Variants in PGBD2 observed in about 807,000 individuals in gnomAD.
PGBD2 encodes piggyBac transposable element derived 2, also known as piggyBac transposable element-derived protein 2.
In PGBD2, 6 loss-of-function variants were observed where a neutral mutation model predicts 8.1. That is an observed-to-expected ratio of 0.74 (90% CI 0.40 to 1.46). The LOEUF (loss-of-function observed/expected upper bound fraction) is 1.46, where lower values mean the gene tolerates loss of function less well. Among genes scored for constraint, PGBD2 ranks in the 40% most tolerant of loss-of-function variants. PGBD2 has a pLI of 0.02. For missense variants in PGBD2, 802 were observed against 739.0 expected (o/e 1.09, Z -0.99); for synonymous variants, 318 against 272.2 (o/e 1.17, Z -1.66).
At chr1:248,913,981 C>A in intron 2 of PGBD2, 102 bp downstream of exon 2, 5 of 966,406 alleles carry the variant, frequency 5.2e-6, no homozygotes, top group South Asian at 1.3e-5. Flanking sequence ...CTCAGTATAA[C>A]AGTTGGTGTC....
chr1:248,875,311 A>AC, the PGBD2 span, among the ~76,000 whole-genome samples: 3 of 115,416 alleles, frequency 2.6e-5, no homozygotes, highest in South Asian at 2.3e-4. Flanking sequence ...AACAAAACAA[A>AC]AAAAAAAAAA....
At chr1:248,920,220 A>G (rs1189294872), downstream of PGBD2, among the ~76,000 whole-genome samples, 1 of 151,944 alleles carries the variant, frequency 6.6e-6, no homozygotes, top group Non-Finnish European at 1.5e-5. Flanking sequence ...ACATAGGTAT[A>G]CACGTGCCAT....
At chr1:248,926,826 A>G in the PGBD2 span, among the ~76,000 whole-genome samples, 571 of 152,340 alleles carry the variant, frequency 3.7e-3, 7 homozygotes, top group African/African-American at 0.013. Flanking sequence ...TCTTATTTTA[A>G]GGAAAATCTT....
At chr1:248,887,607 A>C in the PGBD2 span, among the ~76,000 whole-genome samples, 1 of 152,172 alleles carries the variant, frequency 6.6e-6, no homozygotes, top group Admixed American at 6.5e-5. Flanking sequence ...AGCGAAACAC[A>C]CCAAACCAGT....
the PGBD2 span, among the ~76,000 whole-genome samples, chr1:248,895,672 C>T: frequency 1.3e-5 from 2 of 151,656 alleles, no homozygotes; most frequent in South Asian, 4.2e-4. Flanking sequence ...GTACACTGTA[C>T]CCAATGTATA....
the PGBD2 span, among the ~76,000 whole-genome samples, chr1:248,883,108 T>G: frequency 1.3e-5 from 2 of 152,092 alleles, no homozygotes; most frequent in Non-Finnish European, 2.9e-5. Context: ...TTTTAAAGAA[T>G]TTCTTTGTTT....
chr1:248,921,023 G>A (rs1404257588), downstream of PGBD2, among the ~76,000 whole-genome samples: 3 of 149,430 alleles, frequency 2.0e-5, no homozygotes, highest in South Asian at 6.3e-4. Context: ...TAAGTTCTTT[G>A]TAGATTCTGG....
At chr1:248,883,274 C>T in the PGBD2 span, among the ~76,000 whole-genome samples, 22 of 151,910 alleles carry the variant, frequency 1.4e-4, no homozygotes, top group African/African-American at 5.3e-4. Flanking sequence ...CAGGCATGTG[C>T]CACTACGCCT....
the PGBD2 span, among the ~76,000 whole-genome samples, chr1:248,926,391 G>C: frequency 6.6e-6 from 1 of 151,874 alleles, no homozygotes; most frequent in Admixed American, 6.6e-5. Context: ...GGTTTCTGTG[G>C]GCAGTGTCTC....
At chr1:248,930,096 C>T in the PGBD2 span, among the ~76,000 whole-genome samples, 1 of 152,224 alleles carries the variant, frequency 6.6e-6, no homozygotes. Flanking sequence ...TTTACTTTCA[C>T]ATGTTACATT....
chr1:248,884,828 G>A, the PGBD2 span, among the ~76,000 whole-genome samples: 6 of 152,218 alleles, frequency 3.9e-5, no homozygotes, highest in African/African-American at 1.2e-4. Context: ...ATAATGCTAT[G>A]TAGCAAGATT....
the PGBD2 span, among the ~76,000 whole-genome samples, chr1:248,882,029 T>G: frequency 2.0e-5 from 3 of 152,230 alleles, no homozygotes; most frequent in Non-Finnish European, 4.4e-5. Flanking sequence ...TATTTACCTC[T>G]GAGTCCTTCT....
the PGBD2 span, among the ~76,000 whole-genome samples, chr1:248,926,434 A>T: frequency 6.6e-6 from 1 of 152,140 alleles, no homozygotes; most frequent in South Asian, 2.1e-4. Context: ...CTGCTAAGTC[A>T]TGGACAAAAT....
chr1:248,887,241 A>C, the PGBD2 span, among the ~76,000 whole-genome samples: 4 of 152,166 alleles, frequency 2.6e-5, no homozygotes, highest in Non-Finnish European at 5.9e-5. Flanking sequence ...GCCTTACTCA[A>C]ATTTCCCCAG....
At chr1:248,913,925 C>G (rs774930689) in intron 2 of PGBD2, 46 bp downstream of exon 2, 1 of 1,556,732 alleles carries the variant, frequency 6.4e-7, no homozygotes, top group East Asian at 2.2e-5. Flanking sequence ...AATTTATTCC[C>G]CTATGCTTTT....
At chr1:248,880,335 T>C in the PGBD2 span, among the ~76,000 whole-genome samples, 1 of 152,226 alleles carries the variant, frequency 6.6e-6, no homozygotes, top group Non-Finnish European at 1.5e-5. Flanking sequence ...ATATGACATT[T>C]TTTGTAATGT....
At chr1:248,910,917 G>T (rs1200556731) in intron 1 of PGBD2, among the ~76,000 whole-genome samples, 2 of 151,954 alleles carry the variant, frequency 1.3e-5, no homozygotes, top group Admixed American at 1.3e-4. Flanking sequence ...TGTGTAATTT[G>T]ATGAGTTTCG....
chr1:248,927,677 C>T, the PGBD2 span, among the ~76,000 whole-genome samples: 1 of 152,098 alleles, frequency 6.6e-6, no homozygotes, highest in Non-Finnish European at 1.5e-5. Flanking sequence ...TTTACCACAC[C>T]CTGTTTTAGA....
the PGBD2 span, among the ~76,000 whole-genome samples, chr1:248,874,058 C>CTA: frequency 1.2e-4 from 19 of 152,168 alleles, no homozygotes; most frequent in African/African-American, 3.4e-4. Flanking sequence ...AAGGTTACAA[C>CTA]TAGACTACTC....
Sources: allele counts gnomAD v4.1 joint callset (sites outside exome capture counted in the v4.1 genomes callset), GRCh38; gene constraint gnomAD v4.1.1; transcripts MANE v1.5; gene names NCBI Gene and HGNC (gene_info 2026-07-23, HGNC 2026-07-21).